Variants in RALYL observed in about 807,000 individuals in gnomAD.
RALYL encodes RALY RNA binding protein like, also known as RNA-binding Raly-like protein.
RALYL carries 29 observed loss-of-function variants against 35.1 expected under a neutral mutation model. The ratio of observed to expected loss-of-function variants is 0.83; its 90% CI spans 0.61 to 1.13. The LOEUF (loss-of-function observed/expected upper bound fraction) is 1.13, where lower values mean the gene tolerates loss of function less well. Ranked by LOEUF, RALYL falls within the 50% of genes most tolerant of loss-of-function variation. The probability of loss-of-function intolerance (pLI) is 0.00; values close to 1 mark genes in which losing one functional copy is unlikely to be tolerated. For missense variants in RALYL, 359 were observed against 360.4 expected (o/e 1.00, Z 0.03); for synonymous variants, 120 against 127.6 (o/e 0.94, Z 0.40).
intron 2 of RALYL, among the ~76,000 whole-genome samples, chr8:84,741,308 C>T (rs535611661): frequency 6.6e-6 from 1 of 152,108 alleles, no homozygotes; most frequent in South Asian, 2.1e-4. Context: ...TTCCTCAGTG[C>T]CTATTCCTCA....
intron 1 of RALYL, among the ~76,000 whole-genome samples, chr8:84,229,610 G>A (rs1824850601): frequency 6.6e-6 from 1 of 151,926 alleles, no homozygotes; most frequent in Admixed American, 6.6e-5. Context: ...TTGTGTAGCT[G>A]CCCACATCTC....
At chr8:84,846,187 G>C (rs960934013) in intron 4 of RALYL, among the ~76,000 whole-genome samples, 1 of 152,108 alleles carries the variant, frequency 6.6e-6, no homozygotes, top group African/African-American at 2.4e-5. Flanking sequence ...AAATGATGTT[G>C]GTAGTTTTAT....
intron 1 of RALYL, among the ~76,000 whole-genome samples, chr8:84,384,041 G>A (rs536926121): frequency 4.6e-5 from 7 of 151,464 alleles, no homozygotes; most frequent in Admixed American, 3.3e-4. Context: ...CACAGTTTTC[G>A]CCTCTTTAAT....
At chr8:84,878,219 G>C (rs1841530647) in intron 7 of RALYL, among the ~76,000 whole-genome samples, 1 of 152,128 alleles carries the variant, frequency 6.6e-6, no homozygotes, top group South Asian at 2.1e-4. Context: ...CTCAGGGCTG[G>C]TAGACAATAA....
chr8:84,679,816 G>C (rs1397425783), intron 2 of RALYL: 1 of 452,540 alleles, frequency 2.2e-6, no homozygotes, highest in Non-Finnish European at 4.3e-6. Flanking sequence ...TAGTTTACCT[G>C]ATCTAGAGGG....
chr8:84,426,520 C>G (rs895266144), intron 1 of RALYL, among the ~76,000 whole-genome samples: 1 of 150,718 alleles, frequency 6.6e-6, no homozygotes, highest in African/African-American at 2.4e-5. Context: ...ACTTTCCTTT[C>G]TATGTCTGAC....
At chr8:84,712,475 G>GA (rs1326787782) in intron 2 of RALYL, among the ~76,000 whole-genome samples, 3 of 149,778 alleles carry the variant, frequency 2.0e-5, no homozygotes. Flanking sequence ...GTCTCTCTCA[G>GA]AAAAAAATCT....
intron 2 of RALYL, among the ~76,000 whole-genome samples, chr8:84,682,845 G>A (rs1362119698): frequency 2.0e-5 from 3 of 151,942 alleles, no homozygotes; most frequent in African/African-American, 7.2e-5. Context: ...ATTTCCTTCA[G>A]TTCTGCTCTG....
chr8:84,655,094 C>T (rs1026769256), intron 2 of RALYL, among the ~76,000 whole-genome samples: 2 of 152,032 alleles, frequency 1.3e-5, no homozygotes, highest in Non-Finnish European at 2.9e-5. Flanking sequence ...TACATGCTCA[C>T]CAGGATTCAT....
At chr8:84,480,701 A>G (rs759593194) in intron 1 of RALYL, among the ~76,000 whole-genome samples, 3 of 152,150 alleles carry the variant, frequency 2.0e-5, no homozygotes, top group Non-Finnish European at 4.4e-5. Context: ...TGAAAAAAGA[A>G]GCCATTTTCT....
intron 1 of RALYL, chr8:84,184,941 A>G (rs1330266259): frequency 2.5e-6 from 4 of 1,610,826 alleles, no homozygotes; most frequent in Non-Finnish European, 3.4e-6. Flanking sequence ...AGACATTTCC[A>G]GAGCCTTGAG....
chr8:84,402,472 T>G (rs2043011882), intron 1 of RALYL, among the ~76,000 whole-genome samples: 3 of 152,070 alleles, frequency 2.0e-5, no homozygotes, highest in Admixed American at 2.0e-4. Context: ...GAGCTTCTCT[T>G]AAAAAAATTA....
intron 1 of RALYL, among the ~76,000 whole-genome samples, chr8:84,470,893 A>G (rs927509044): frequency 2.6e-5 from 4 of 152,244 alleles, no homozygotes; most frequent in South Asian, 2.1e-4. Flanking sequence ...TTTGGTTGTT[A>G]ATCACAATCA....
intron 4 of RALYL, among the ~76,000 whole-genome samples, chr8:84,816,286 A>G (rs1191152953): frequency 1.3e-5 from 2 of 152,114 alleles, no homozygotes; most frequent in Non-Finnish European, 2.9e-5. Flanking sequence ...CCTTGCAGAC[A>G]CTGAGCCACT....
At chr8:84,405,303 G>T (rs1353271731) in intron 1 of RALYL, among the ~76,000 whole-genome samples, 1 of 152,116 alleles carries the variant, frequency 6.6e-6, no homozygotes, top group Admixed American at 6.6e-5. Flanking sequence ...GAAAGAACTA[G>T]AGAAGCAAGA....
intron 1 of RALYL, among the ~76,000 whole-genome samples, chr8:84,434,376 C>T (rs1419025524): frequency 6.6e-6 from 1 of 152,054 alleles, no homozygotes; most frequent in African/African-American, 2.4e-5. Flanking sequence ...AAGCACAAGG[C>T]ATAAATAACT....
chr8:84,314,135 C>T (rs1843317677), intron 1 of RALYL, among the ~76,000 whole-genome samples: 1 of 152,066 alleles, frequency 6.6e-6, no homozygotes, highest in Non-Finnish European at 1.5e-5. Context: ...GCAGGGTAAA[C>T]ACTGGACACT....
At chr8:84,381,876 CTTG>C (rs1488236909) in intron 1 of RALYL, among the ~76,000 whole-genome samples, 1 of 151,296 alleles carries the variant, frequency 6.6e-6, no homozygotes, top group Non-Finnish European at 1.5e-5. Flanking sequence ...GGCATTTTTC[CTTG>C]TTGTTCCTTT....
chr8:84,372,917 C>CTTTTTTTTTTTTTTGTTTTTTTTTT, intron 1 of RALYL, among the ~76,000 whole-genome samples: 1 of 49,058 alleles, frequency 2.0e-5, no homozygotes, highest in Non-Finnish European at 4.0e-5. Context: ...TTTTTTTTTA[C>CTTTTTTTTTTTTTTGTTTTTTTTTT]TTTTTAATAA....
Sources: gnomAD v4.1 joint callset for allele counts (sites outside exome capture counted in the v4.1 genomes callset) on GRCh38, gnomAD v4.1.1 for gene constraint, MANE v1.5 for transcripts, NCBI Gene and HGNC (gene_info 2026-07-23, HGNC 2026-07-21) for gene names.